The following ERC1 variants were observed in gnomAD, a reference collection of about 807,000 sequenced individuals.
ERC1 encodes the protein ELKS/RAB6-interacting/CAST family member 1.
ERC1 carries 56 observed loss-of-function variants against 132.0 expected under a neutral mutation model. The observed-to-expected ratio is 0.42, with a 90% CI of 0.34 to 0.53. The LOEUF (loss-of-function observed/expected upper bound fraction) is 0.53, where lower values mean the gene tolerates loss of function less well. Among genes scored for constraint, ERC1 ranks in the 20% least tolerant of loss-of-function variants. The pLI, the probability that ERC1 is intolerant of heterozygous loss-of-function variation, is 0.03. For synonymous variants in ERC1, 478 were observed against 476.1 expected (o/e 1.00, Z -0.05); for missense variants, 1,202 against 1,349.9 (o/e 0.89, Z 1.72).
At chr12:1,424,906 A>ATAGG (rs1427044801) in intron 17 of ERC1, among the ~76,000 whole-genome samples, 11 of 150,944 alleles carry the variant, frequency 7.3e-5, no homozygotes, top group African/African-American at 2.7e-4. Flanking sequence ...AGATAGATAG[A>ATAGG]TAGATAATCT....
At chr12:1,440,597 C>CTTTT (rs1393877518) in intron 17 of ERC1, among the ~76,000 whole-genome samples, 2 of 111,610 alleles carry the variant, frequency 1.8e-5, no homozygotes, top group Admixed American at 9.5e-5. Context: ...CTGCCTCAGC[C>CTTTT]TTTTGTGTGT....
intron 13 of ERC1, among the ~76,000 whole-genome samples, chr12:1,241,861 TTTTTTTTTTTTTTG>T (rs2075824763): frequency 7.2e-6 from 1 of 138,790 alleles, no homozygotes; most frequent in African/African-American, 2.7e-5. Context: ...TTTTTTTTTT[TTTTTTTTTTTTTTG>T]TGATGGAGTC....
chr12:1,345,804 G>A (rs777395224), intron 15 of ERC1, among the ~76,000 whole-genome samples: 12 of 152,018 alleles, frequency 7.9e-5, no homozygotes, highest in East Asian at 1.9e-4. Context: ...TTGCTGTATC[G>A]TTTTGCTTAT....
chr12:1,043,924 A>C (rs182554840), intron 2 of ERC1, among the ~76,000 whole-genome samples: 5 of 152,306 alleles, frequency 3.3e-5, no homozygotes, highest in Admixed American at 3.3e-4. Flanking sequence ...GTTAACATAC[A>C]TACTATTTTA....
chr12:1,033,957 G>A (rs563201939), intron 2 of ERC1, among the ~76,000 whole-genome samples: 1 of 152,236 alleles, frequency 6.6e-6, no homozygotes, highest in South Asian at 2.1e-4. Flanking sequence ...GTTTGGTATT[G>A]AATTGTAAAT....
At chr12:1,210,506 C>T (rs973844833) in intron 12 of ERC1, among the ~76,000 whole-genome samples, 2 of 152,110 alleles carry the variant, frequency 1.3e-5, no homozygotes, top group Admixed American at 6.5e-5. Context: ...AAAACTAGTT[C>T]TTTTTGCAAG....
chr12:1,010,510 ATTT>A (rs71055123), intron 1 of ERC1, among the ~76,000 whole-genome samples: 4 of 118,372 alleles, frequency 3.4e-5, no homozygotes, highest in Non-Finnish European at 3.4e-5. Flanking sequence ...AGGAAATATG[ATTT>A]TTTTTTTTTT....
intron 13 of ERC1, among the ~76,000 whole-genome samples, chr12:1,252,283 C>T (rs2076518584): frequency 6.6e-6 from 1 of 152,126 alleles, no homozygotes; most frequent in Non-Finnish European, 1.5e-5. Context: ...TTTTCTAAGA[C>T]CTCAGAAGCA....
chr12:1,179,046 T>C (rs1047083542), intron 8 of ERC1, among the ~76,000 whole-genome samples: 5 of 152,212 alleles, frequency 3.3e-5, no homozygotes, highest in Non-Finnish European at 7.3e-5. Flanking sequence ...TTCCTCATAG[T>C]TTGCTTGATT....
chr12:1,237,186 G>T (rs2075476946), intron 13 of ERC1, among the ~76,000 whole-genome samples: 2 of 152,154 alleles, frequency 1.3e-5, no homozygotes, highest in South Asian at 2.1e-4. Context: ...TAATGAGTGG[G>T]TTATATTAGG....
At chr12:1,062,932 T>C (rs916943456) in intron 2 of ERC1, among the ~76,000 whole-genome samples, 1 of 152,264 alleles carries the variant, frequency 6.6e-6, no homozygotes, top group African/African-American at 2.4e-5. Context: ...TTTTGCTGAA[T>C]TGATCCCTTT....
intron 1 of ERC1, among the ~76,000 whole-genome samples, chr12:1,002,508 T>A (rs1962593982): frequency 6.6e-6 from 1 of 152,054 alleles, no homozygotes; most frequent in Admixed American, 6.6e-5. Context: ...TTTTAGTGCA[T>A]ATGTGTATGT....
intron 15 of ERC1, among the ~76,000 whole-genome samples, chr12:1,330,744 A>G (rs550844335): frequency 6.6e-6 from 1 of 152,294 alleles, no homozygotes; most frequent in Admixed American, 6.5e-5. Context: ...AAAATTATGA[A>G]CAATTCTCCC....
intron 18 of ERC1, among the ~76,000 whole-genome samples, chr12:1,472,974 G>A (rs1592266138): frequency 6.6e-6 from 1 of 152,198 alleles, no homozygotes; most frequent in East Asian, 1.9e-4. Flanking sequence ...TTGTTAAGCA[G>A]TGGAATTTTG....
chr12:1,169,864 T>C (rs1243719032), intron 8 of ERC1, among the ~76,000 whole-genome samples: 9 of 152,190 alleles, frequency 5.9e-5, no homozygotes, highest in Non-Finnish European at 1.2e-4. Flanking sequence ...GGTTACACAT[T>C]ATGAACTTGT....
chr12:1,256,918 A>G (rs1222548620), intron 13 of ERC1, among the ~76,000 whole-genome samples: 2 of 150,536 alleles, frequency 1.3e-5, no homozygotes, highest in Non-Finnish European at 2.9e-5. Flanking sequence ...CAGTTTTGTT[A>G]TACTGGAGCT....
intron 15 of ERC1, among the ~76,000 whole-genome samples, chr12:1,312,584 C>G (rs761783023): frequency 6.6e-6 from 1 of 152,146 alleles, no homozygotes; most frequent in African/African-American, 2.4e-5. Context: ...GTCTCAAACT[C>G]CTGACCTCAA....
intron 18 of ERC1, among the ~76,000 whole-genome samples, chr12:1,458,498 A>G (rs1741107810): frequency 6.6e-6 from 1 of 150,780 alleles, no homozygotes; most frequent in African/African-American, 2.4e-5. Flanking sequence ...ATATGTGTAT[A>G]TGTGTATGTA....
intron 13 of ERC1, among the ~76,000 whole-genome samples, chr12:1,252,667 A>T (rs2076541256): frequency 2.0e-5 from 3 of 152,190 alleles, no homozygotes; most frequent in Admixed American, 1.3e-4. Flanking sequence ...ACCACTCTTA[A>T]CTGAGGGGAG....
Sources: gnomAD v4.1 joint callset for allele counts (sites outside exome capture counted in the v4.1 genomes callset) on GRCh38, gnomAD v4.1.1 for gene constraint, MANE v1.5 for transcripts, NCBI Gene and HGNC (gene_info 2026-07-23, HGNC 2026-07-21) for gene names.